EPB41L1: variants seen among roughly 807,000 people sequenced by gnomAD.
EPB41L1 encodes the protein band 4.1-like protein 1.
In EPB41L1, 29 loss-of-function variants were observed where a neutral mutation model predicts 97.8. The ratio of observed to expected loss-of-function variants is 0.30; its 90% CI spans 0.22 to 0.40. The LOEUF is 0.40. Among genes scored for constraint, EPB41L1 ranks in the 10% least tolerant of loss-of-function variants. The pLI is 1.00. For synonymous variants in EPB41L1, 383 were observed against 459.2 expected (o/e 0.83, Z 2.12); for missense variants, 812 against 1,162.3 (o/e 0.70, Z 4.38).
chr20:36,170,596 G>A (rs1304884624), intron 1 of EPB41L1, among the ~76,000 whole-genome samples: 1 of 152,138 alleles, frequency 6.6e-6, no homozygotes, highest in Non-Finnish European at 1.5e-5. Flanking sequence ...GGTGTCTAGC[G>A]TGAACCTGAG....
At chr20:36,143,061 C>G (rs1172957609) in intron 2 of EPB41L1, among the ~76,000 whole-genome samples, 1 of 152,008 alleles carries the variant, frequency 6.6e-6, no homozygotes, top group Non-Finnish European at 1.5e-5. Context: ...ATAACTCCTG[C>G]CGGTTCCGAG....
At chr20:36,121,440 T>A (rs1459824385) in intron 2 of EPB41L1, among the ~76,000 whole-genome samples, 1 of 152,162 alleles carries the variant, frequency 6.6e-6, no homozygotes, top group East Asian at 1.9e-4. Context: ...GGGGTCAGGC[T>A]TGGGCTGTGA....
intron 2 of EPB41L1, among the ~76,000 whole-genome samples, chr20:36,136,230 GC>G (rs1044915744): frequency 6.6e-5 from 10 of 151,792 alleles, no homozygotes; most frequent in Admixed American, 5.9e-4. Context: ...GAGTGCAGTG[GC>G]ATGCCCTTGG....
chr20:36,093,419 G>A lies in EPB41L1; in HGVS notation c.-65+1807G>A, dbSNP rs911953870. Reference sequence around the variant, plus strand: ...GTGCTCCCGCGTAGCCCCCGTGTGCGTGTGCGCGGCTTTGTCTTCGCACTG... The same window carrying A: ...GTGCTCCCGCGTAGCCCCCGTGTGCATGTGCGCGGCTTTGTCTTCGCACTG... On this transcript the variant is annotated intron_variant, in intron 1 of 19. Transcript: ENST00000202028. This position sits in a 1 kb window ranked among gnomAD's most constrained non-coding sequence, Gnocchi z 5.4. Among the ~76,000 whole-genome samples the A allele has an allele frequency of 6.6e-6, 1 of 151,962 alleles. No homozygotes were observed. The highest frequency in any genetic ancestry group is 2.4e-5 in the African/African-American group (1 of 41,360).
chr20:36,208,689 G>T (rs2062963171), intron 14 of EPB41L1, among the ~76,000 whole-genome samples: 1 of 152,204 alleles, frequency 6.6e-6, no homozygotes, highest in Non-Finnish European at 1.5e-5. Flanking sequence ...AGAATGTTAT[G>T]AACCAGCCAA....
chr20:36,224,856 C>G (rs1180467877), intron 21 of EPB41L1, among the ~76,000 whole-genome samples: 3 of 152,010 alleles, frequency 2.0e-5, no homozygotes, highest in Non-Finnish European at 4.4e-5. Flanking sequence ...GAGTCTCACT[C>G]TGTCACCCAG....
intron 1 of EPB41L1, among the ~76,000 whole-genome samples, chr20:36,173,069 A>G (rs1257597545): frequency 6.6e-6 from 1 of 152,314 alleles, no homozygotes; most frequent in East Asian, 1.9e-4. Flanking sequence ...TATCCCAGAA[A>G]GCATTTCTCT....
intron 1 of EPB41L1, among the ~76,000 whole-genome samples, chr20:36,164,189 G>A (rs976550593): frequency 2.0e-5 from 3 of 152,144 alleles, no homozygotes; most frequent in African/African-American, 7.2e-5. Context: ...AAACCAGGAG[G>A]CAAGGGAGCT....
intron 17 of EPB41L1, among the ~76,000 whole-genome samples, chr20:36,217,694 C>T (rs953999552): frequency 3.2e-4 from 48 of 152,154 alleles, no homozygotes; most frequent in African/African-American, 1.2e-3. Flanking sequence ...CCTTGGGAAG[C>T]CTGCTGCTGG....
At chr20:36,191,315 G>C (rs1353543068) in intron 11 of EPB41L1, among the ~76,000 whole-genome samples, 1 of 152,104 alleles carries the variant, frequency 6.6e-6, no homozygotes, top group Non-Finnish European at 1.5e-5. Context: ...CATTCTTTTG[G>C]TTCTACTAGG....
rs566805840 is a variant in EPB41L1, at chr20:36,193,645, T to G, written c.1301-567T>G. ...TGCAGGCATCTCCCTGAATTCTCCC[T>G]AATTTATAAAGAAGGTAAATCAGTT... On this transcript the variant is annotated intron_variant, in intron 11 of 21. Coordinates refer to ENST00000338074, the MANE Select transcript of EPB41L1 (RefSeq NM_012156.2). Among the ~76,000 whole-genome samples the G allele has an allele frequency of 2.6e-5, 4 of 152,328 alleles. No homozygotes were observed. The South Asian group carries it at 8.3e-4, about 32-fold the overall frequency.
In EPB41L1 at chr20:36,206,622, C is replaced by CAGG; in HGVS notation, c.1669-2863_1669-2861dup. On this transcript the variant is annotated intron_variant, in intron 14 of 21. Coordinates refer to ENST00000338074, the MANE Select transcript of EPB41L1 (RefSeq NM_012156.2). The surrounding 1 kb of genome is among the most constrained non-coding windows in gnomAD (Gnocchi z 5.5). ...TGAGGGTTTCTGCTGCTGCTTCCAG[C>CAGG]AGGAGCAAGGACGAAGCCCACATGA... The CAGG allele has an allele frequency of 7.8e-7, 1 of 1,289,790 alleles. No individual in the cohort carries two copies. The highest frequency in any genetic ancestry group is 1.0e-6 in the Non-Finnish European group (1 of 988,860). The allele number at this position is 1,289,790 out of a possible 1,614,324, so 79.9% of individuals were successfully genotyped here.
At chr20:36,132,004 G>A (rs900521711) in intron 2 of EPB41L1, among the ~76,000 whole-genome samples, 1 of 152,128 alleles carries the variant, frequency 6.6e-6, no homozygotes, top group African/African-American at 2.4e-5. Context: ...CCCCAGCTCA[G>A]GCCTGTTCCC....
At chr20:36,119,340 C>T (rs1382744114) in intron 2 of EPB41L1, among the ~76,000 whole-genome samples, 5 of 152,162 alleles carry the variant, frequency 3.3e-5, no homozygotes, top group Admixed American at 1.3e-4. Flanking sequence ...TGGTGGCTCA[C>T]GCCTGTAATC....
At chr20:36,189,362 C>G (rs1400864732) in intron 9 of EPB41L1, among the ~76,000 whole-genome samples, 5 of 152,252 alleles carry the variant, frequency 3.3e-5, no homozygotes, top group Non-Finnish European at 5.9e-5. Flanking sequence ...CAGGAACTCT[C>G]TTTAGCTCTT....
At chr20:36,185,912 G>A (rs528653006) in intron 7 of EPB41L1, among the ~76,000 whole-genome samples, 1 of 152,330 alleles carries the variant, frequency 6.6e-6, no homozygotes, top group South Asian at 2.1e-4. Flanking sequence ...GGATCGAGGG[G>A]TTGAACAGTT....
At chr20:36,127,692 A>T (rs1030202531) in intron 2 of EPB41L1, among the ~76,000 whole-genome samples, 7 of 152,044 alleles carry the variant, frequency 4.6e-5, no homozygotes, top group African/African-American at 1.4e-4. Flanking sequence ...TGTAAAAATG[A>T]AGGCATTGGG....
chr20:36,207,481 G>A lies in EPB41L1; in HGVS notation c.1669-2007G>A. 1.6e-6 allele frequency: 2 copies of A among 1,289,852 alleles called. No individual in the cohort carries two copies. The highest frequency in any genetic ancestry group is 2.0e-6 in the Non-Finnish European group (2 of 988,876). The allele number at this position is 1,289,852 out of a possible 1,614,324, so 79.9% of individuals were successfully genotyped here. A position where few individuals can be genotyped will look rare whatever the true frequency, so the allele number is the denominator to read the frequency against. ...TCGGATATTTGAGACCCACGGAGCT[G>A]AAACTCGCCGAATGAGTGAGGGTGA... On this transcript the variant is annotated intron_variant, in intron 14 of 21. Transcript: ENST00000338074. This position sits in a 1 kb window ranked among gnomAD's most constrained non-coding sequence, Gnocchi z 4.9.
intron 16 of EPB41L1, among the ~76,000 whole-genome samples, chr20:36,213,979 C>T (rs2063292298): frequency 6.6e-6 from 1 of 151,880 alleles, no homozygotes. Context: ...CCCAATGGCT[C>T]GCCCTGTGAT....
Sources: gnomAD v4.1 joint callset for allele counts (sites outside exome capture counted in the v4.1 genomes callset) on GRCh38, gnomAD v4.1.1 for gene constraint, Gnocchi (gnomAD v3.1) non-coding constraint, MANE v1.5 for transcripts, NCBI Gene and HGNC (gene_info 2026-07-23, HGNC 2026-07-21) for gene names.